Variants in ANKRD16 observed in about 807,000 individuals in gnomAD.
ANKRD16 encodes ankyrin repeat domain 16, also known as ankyrin repeat domain-containing protein 16.
A neutral mutation model predicts 37.9 loss-of-function variants in ANKRD16; 35 were observed. The observed-to-expected ratio is 0.92, with a 90% confidence interval of 0.71 to 1.23. ANKRD16 has a LOEUF of 1.23. Ranked by LOEUF, ANKRD16 falls within the 50% of genes most tolerant of loss-of-function variation. The pLI, the probability that ANKRD16 is intolerant of heterozygous loss-of-function variation, is 0.00. For missense variants in ANKRD16, 480 were observed against 469.9 expected, an observed-to-expected ratio of 1.02 and a Z score of -0.20; for synonymous variants, 206 against 197.2, an observed-to-expected ratio of 1.04 and a Z score of -0.37.
At position 5,871,386 on chromosome 10, in the gene ANKRD16, CAAATAAATAAAT is replaced by C. The variant is rs71388491; in HGVS notation, c.*33+6699_*33+6710del. Among the ~76,000 whole-genome samples the C allele has an allele frequency of 2.8e-3, 420 of 147,856 alleles. 6 individuals carry two copies. Among genetic ancestry groups the C allele is most frequent in the East Asian group, 0.013 (66 of 5,000 alleles). On this transcript the variant is annotated intron_variant, in intron 7 of 7. Transcript: ENST00000380094. The surrounding 1 kb of genome is among the most constrained non-coding windows in gnomAD (Gnocchi z 4.5). Reference sequence around the variant, plus strand: ...TGGGCGACAGAGCTAGACTCCAACTCAAATAAATAAATAAATAAATAAATAAATAAATAAATA... The same window carrying C: ...TGGGCGACAGAGCTAGACTCCAACTCAAATAAATAAATAAATAAATAAATA...
rs72476671 is a variant in ANKRD16, at chr10:5,868,777, G to A, written c.*34-6086C>T. Among the ~76,000 whole-genome samples the A allele has an allele frequency of 1.3e-5, 2 of 152,124 alleles. No homozygotes were observed. Among genetic ancestry groups the A allele is most frequent in the Non-Finnish European group, 2.9e-5 (2 of 68,044 alleles). On this transcript the variant is annotated intron_variant, in intron 7 of 7. Coordinates refer to ENST00000380094, the MANE Select transcript of ANKRD16 (RefSeq NM_019046.3). The surrounding 1 kb of genome is among the most constrained non-coding windows in gnomAD (Gnocchi z 4.9). ...TGTAACATTCACTGCGAGGGTCTGC[G>A]GCTTCATTCCTTAAGTCAGCAAGAC...
In ANKRD16 at chr10:5,881,444, ATATATATATATATATAT is replaced by A. The variant is rs1326113982; in HGVS notation, c.850-1085_850-1069del. On this transcript the variant is annotated intron_variant, in intron 5 of 7. Coordinates refer to ENST00000380094, the MANE Select transcript of ANKRD16 (RefSeq NM_019046.3). ...TATAAAATAAAAATATTATTTATATATATATATATATATATATATATATATATATATATATATTTGAG... is the reference window on the plus strand; with the variant it reads ...TATAAAATAAAAATATTATTTATATAATATATATATATATATATATTTGAG... 1.7e-3 allele frequency among the ~76,000 whole-genome samples: 194 copies of A among 113,056 alleles called. 3 individuals are homozygous for A. The highest frequency in any genetic ancestry group is 2.6e-3 in the Non-Finnish European group (151 of 57,592). 74.2% of individuals were successfully genotyped at this position (113,056 alleles called of 152,430 possible). A position where few individuals can be genotyped will look rare whatever the true frequency, so the allele number is the denominator to read the frequency against.
chr10:5,889,257 G>A lies in ANKRD16; in HGVS notation c.98C>T (p.Pro33Leu), dbSNP rs755151546. 6.0e-6 allele frequency: 9 copies of A among 1,508,822 alleles called. No individual in the cohort carries two copies. Among genetic ancestry groups the A allele is most frequent in the Middle Eastern group, 2.0e-4 (1 of 4,920 alleles). 93.5% of individuals were successfully genotyped at this position (1,508,822 alleles called of 1,614,324 possible). ...KEELQAAGGC[P>L]GPAGDTLLHC... ...CAGGAGGGTATCCCCGGCCGGCCCC[G>A]GGCAGCCCCCGGCCGCCTGCAGCTC... Residue 33 changes from proline to leucine, a missense_variant, in exon 1 of 8, where the codon CCG becomes CTG. Transcript: ENST00000380094.
At position 5,866,195 on chromosome 10, in the gene ANKRD16, T is replaced by C. The variant is rs1842011384; in HGVS notation, c.*34-3504A>G. 6.6e-6 allele frequency among the ~76,000 whole-genome samples: 1 copy of C among 152,092 alleles called. No homozygotes were observed. Among genetic ancestry groups the C allele is most frequent in the Non-Finnish European group, 1.5e-5 (1 of 68,024 alleles). ...TTGAGGGACCAGTGCTTCAAATACA[T>C]ACGTGTGCGGCCCTCAACCCTGCCA... On this transcript the variant is annotated intron_variant, in intron 7 of 7. Transcript: ENST00000380094. The surrounding 1 kb of genome is among the most constrained non-coding windows in gnomAD (Gnocchi z 4.3).
Position 5,866,214 on chromosome 10 carries a change from C to G in ANKRD16, c.*34-3523G>C, listed in dbSNP as rs967459212. Among the ~76,000 whole-genome samples, 4 of 152,158 alleles carry G rather than the reference C, an allele frequency of 2.6e-5. No homozygotes were observed. Among genetic ancestry groups the G allele is most frequent in the Non-Finnish European group, 1.5e-5 (1 of 68,036 alleles). ...AATACATACGTGTGCGGCCCTCAACCCTGCCACTTTTCTCCCAGAGGATGG... is the reference window on the plus strand; with the variant it reads ...AATACATACGTGTGCGGCCCTCAACGCTGCCACTTTTCTCCCAGAGGATGG... On this transcript the variant is annotated intron_variant, in intron 7 of 7. Transcript: ENST00000380094. The surrounding 1 kb of genome is among the most constrained non-coding windows in gnomAD (Gnocchi z 4.3).
intron 7 of ANKRD16, among the ~76,000 whole-genome samples, chr10:5,877,724 T>A (rs186020287): frequency 6.6e-6 from 1 of 152,376 alleles, no homozygotes; most frequent in East Asian, 1.9e-4. Flanking sequence ...TTTGTTATTA[T>A]TATCACAGCC....
rs1269164920 is a variant in ANKRD16, at chr10:5,865,322, G to T, written c.*34-2631C>A. 3.3e-5 allele frequency among the ~76,000 whole-genome samples: 5 copies of T among 152,224 alleles called. No individual in the cohort carries two copies. Among genetic ancestry groups the T allele is most frequent in the Admixed American group, 6.5e-5 (1 of 15,282 alleles). ...AGGTGCACTGCCCCAGAGGACAAAG[G>T]TTCTCTGGGCCAGAAGCCCCCAACC... On this transcript the variant is annotated intron_variant, in intron 7 of 7. Coordinates refer to ENST00000380094, the MANE Select transcript of ANKRD16 (RefSeq NM_019046.3). This position sits in a 1 kb window ranked among gnomAD's most constrained non-coding sequence, Gnocchi z 4.7.
In ANKRD16 at chr10:5,863,904, G is replaced by A. The variant is rs543230052; in HGVS notation, c.*34-1213C>T. Among the ~76,000 whole-genome samples the A allele has an allele frequency of 1.8e-4, 28 of 152,170 alleles. 1 individual carries two copies. Among genetic ancestry groups the A allele is most frequent in the African/African-American group, 6.8e-4 (28 of 41,476 alleles). ...GAATAAAGTCCGGATACATTTTGGC[G>A]ACCCAGATGGGAAACACTCAGGCAT... On this transcript the variant is annotated intron_variant, in intron 7 of 7. Transcript: ENST00000380094. This position sits in a 1 kb window ranked among gnomAD's most constrained non-coding sequence, Gnocchi z 4.7.
chr10:5,867,757 T>G (rs1460400588), intron 7 of ANKRD16, among the ~76,000 whole-genome samples: 1 of 152,206 alleles, frequency 6.6e-6, no homozygotes, highest in Non-Finnish European at 1.5e-5. Flanking sequence ...GTTTATCTAC[T>G]TCATTATCCT....
Position 5,889,028 on chromosome 10 carries a change from G to C in ANKRD16, c.314+13C>G, listed in dbSNP as rs781184905. ...TAGAGGGGAGGCGGGGTGTCTTTCC[G>C]CTCCACACCTACCAGTCGGCCTTCT... On this transcript the variant is annotated intron_variant, in intron 1 of 7. Coordinates refer to ENST00000380094, the MANE Select transcript of ANKRD16 (RefSeq NM_019046.3). 61 of 1,508,138 alleles carry C rather than the reference G, an allele frequency of 4.0e-5. No homozygotes were observed. Among genetic ancestry groups the C allele is most frequent in the Non-Finnish European group, 5.3e-5 (60 of 1,134,222 alleles). The allele number at this position is 1,508,138 out of a possible 1,614,324, so 93.4% of individuals were successfully genotyped here.
chr10:5,873,653 G>C (rs1589017124), intron 7 of ANKRD16, among the ~76,000 whole-genome samples: 1 of 152,136 alleles, frequency 6.6e-6, no homozygotes, highest in East Asian at 1.9e-4. Context: ...GTGGATTCTA[G>C]CAACGTCCTG....
At position 5,888,551 on chromosome 10, in the gene ANKRD16, T is replaced by G. The variant is rs565562812; in HGVS notation, c.315-484A>C. On this transcript the variant is annotated intron_variant, in intron 1 of 7. Transcript: ENST00000380094. ...TTGTGTGATGGTGGAGCAGAGTATC[T>G]CTGACTGTGGTGGTTATGCAAGGCT... 4.0e-3 allele frequency among the ~76,000 whole-genome samples: 606 copies of G among 152,320 alleles called. 4 individuals carry two copies. The highest frequency in any genetic ancestry group is 0.014 in the African/African-American group (577 of 41,572).
At position 5,884,034 on chromosome 10, in the gene ANKRD16, C is replaced by G. The variant is rs200993355; in HGVS notation, c.622G>C (p.Ala208Pro). The G allele has an allele frequency of 2.5e-6, 4 of 1,614,050 alleles. No individual in the cohort carries two copies. The highest frequency in any genetic ancestry group is 2.7e-5 in the African/African-American group (2 of 74,946). ...CCACACTGGATTGCGTCCATCAAGGCGGTGACGCCACAGTTGTCTCTGTAG... is the reference window on the plus strand; with the variant it reads ...CCACACTGGATTGCGTCCATCAAGGGGGTGACGCCACAGTTGTCTCTGTAG... ...PDYRDNCGVT[A>P]LMDAIQCGHI... is the part of the protein sequence containing the mutation. The change falls in exon 4 of 8, where the codon GCC (alanine) becomes CCC (proline). Residue 208 changes from alanine to proline, a missense_variant. Physicochemically the swap from Ala to Pro is conservative, Grantham distance 27. Coordinates refer to ENST00000380094, the MANE Select transcript of ANKRD16 (RefSeq NM_019046.3).
In ANKRD16 at chr10:5,862,201, C is replaced by T. The variant is rs903056433; in HGVS notation, c.*524G>A. 1.5e-5 allele frequency: 4 copies of T among 261,644 alleles called. No homozygotes were observed. The highest frequency in any genetic ancestry group is 3.1e-5 in the Non-Finnish European group (4 of 131,008). The allele number at this position is 261,644 out of a possible 1,614,324, so 16.2% of individuals were successfully genotyped here. A position where few individuals can be genotyped will look rare whatever the true frequency, so the allele number is the denominator to read the frequency against. On this transcript the variant is annotated 3_prime_UTR_variant, in exon 8 of 8. Transcript: ENST00000380094. This position sits in a 1 kb window ranked among gnomAD's most constrained non-coding sequence, Gnocchi z 6.5. ...TACAGGCATGAGCCACCGCAACCGG[C>T]CCCCAGGAATTCTTTAATGGTTCCA...
At chr10:5,873,394 G>A (rs1251094366) in intron 7 of ANKRD16, among the ~76,000 whole-genome samples, 2 of 150,080 alleles carry the variant, frequency 1.3e-5, no homozygotes, top group South Asian at 2.1e-4. Context: ...GGCTAGTCTT[G>A]AACTCCTGAC....
intron 5 of ANKRD16, among the ~76,000 whole-genome samples, chr10:5,881,866 T>C (rs1842322545): frequency 6.6e-6 from 1 of 151,804 alleles, no homozygotes; most frequent in African/African-American, 2.4e-5. Flanking sequence ...TTTTTGTATT[T>C]TTAGTAGAGA....
chr10:5,873,066 GTCGCC>G (rs1206447014), intron 7 of ANKRD16, among the ~76,000 whole-genome samples: 7 of 135,770 alleles, frequency 5.2e-5, no homozygotes, highest in Non-Finnish European at 9.2e-5. Context: ...GTCTTGCTCT[GTCGCC>G]CAGGCTGGAG....
chr10:5,872,566 A>AT lies in ANKRD16; in HGVS notation c.*33+5530dup, dbSNP rs556828807. The stretch of plus-strand genomic sequence containing the variant: ...CATTTTATTTATTTTTTATGTAGGT[A>AT]TTTTTTTTGAGATGGAATCTCACTC... On this transcript the variant is annotated intron_variant, in intron 7 of 7. Coordinates refer to ENST00000380094, the MANE Select transcript of ANKRD16 (RefSeq NM_019046.3). Among the ~76,000 whole-genome samples the AT allele has an allele frequency of 1.1e-3, 167 of 151,756 alleles. 1 individual carries two copies. The highest frequency in any genetic ancestry group is 7.2e-3 in the Admixed American group (110 of 15,246).
intron 7 of ANKRD16, among the ~76,000 whole-genome samples, chr10:5,876,710 C>G (rs776592630): frequency 1.3e-5 from 2 of 152,138 alleles, no homozygotes; most frequent in African/African-American, 4.8e-5. Context: ...TGTGCCAAAC[C>G]GAGCCCAACG....
Sources: allele counts gnomAD v4.1 joint callset (sites outside exome capture counted in the v4.1 genomes callset), GRCh38; gene constraint gnomAD v4.1.1; non-coding constraint Gnocchi (gnomAD v3.1); transcripts MANE v1.5; gene names NCBI Gene and HGNC (gene_info 2026-07-23, HGNC 2026-07-21).